MEGF11: variants seen among roughly 807,000 people sequenced by gnomAD.
MEGF11 encodes multiple epidermal growth factor-like domains protein 11.
A neutral mutation model predicts 146.6 loss-of-function variants in MEGF11; 126 were observed. That is an observed-to-expected ratio of 0.86 (90% CI 0.74 to 1.00). The LOEUF (loss-of-function observed/expected upper bound fraction) is 1.00. Among genes scored for constraint, MEGF11 ranks in the 50% least tolerant of loss-of-function variants. The probability of loss-of-function intolerance (pLI) is 0.00; values close to 1 mark genes in which losing one functional copy is unlikely to be tolerated. For missense variants in MEGF11, 1,509 were observed against 1,521.2 expected (o/e 0.99, Z 0.13); for synonymous variants, 532 against 583.4 (o/e 0.91, Z 1.27).
chr15:66,045,841 G>A (rs757325898), intron 5 of MEGF11, among the ~76,000 whole-genome samples: 3 of 152,088 alleles, frequency 2.0e-5, no homozygotes, highest in Non-Finnish European at 2.9e-5. Flanking sequence ...GGTGGCTCAC[G>A]ACTGTAATCC....
At chr15:66,026,368 T>C (rs572892682) in intron 5 of MEGF11, among the ~76,000 whole-genome samples, 18 of 152,182 alleles carry the variant, frequency 1.2e-4, no homozygotes, top group Non-Finnish European at 2.4e-4. Context: ...GACCACGGCT[T>C]TATCATCTTT....
intron 1 of MEGF11, among the ~76,000 whole-genome samples, chr15:66,153,789 C>A (rs1460524147): frequency 2.0e-5 from 3 of 152,102 alleles, no homozygotes; most frequent in Non-Finnish European, 4.4e-5. Context: ...TTGGGTCTGT[C>A]TTCCCACTCT....
At chr15:66,105,354 G>A (rs940288104) in intron 4 of MEGF11, among the ~76,000 whole-genome samples, 1 of 152,132 alleles carries the variant, frequency 6.6e-6, no homozygotes, top group Non-Finnish European at 1.5e-5. Context: ...CTGCAAGGCC[G>A]GGCCCTGCCA....
chr15:66,082,442 AAAAAAAAAAAAAAAAAAAAAAAAAAT>A (rs1373497965), intron 5 of MEGF11, among the ~76,000 whole-genome samples: 1 of 106,116 alleles, frequency 9.4e-6, no homozygotes, highest in Non-Finnish European at 1.8e-5. Context: ...AAAAAAAAAA[AAAAAAAAAAAAAAAAAAAAAAAAAAT>A]CTATCTATCT....
chr15:66,115,453 G>A (rs1331584349), intron 4 of MEGF11, among the ~76,000 whole-genome samples: 1 of 152,212 alleles, frequency 6.6e-6, no homozygotes, highest in Non-Finnish European at 1.5e-5. Context: ...GCCAGTTGGT[G>A]CCCCCTCCCT....
chr15:65,973,814 T>A (rs1036445065), intron 7 of MEGF11, among the ~76,000 whole-genome samples: 1 of 152,178 alleles, frequency 6.6e-6, no homozygotes, highest in African/African-American at 2.4e-5. Flanking sequence ...AAGCATGTTA[T>A]GTAGAAAAAT....
At chr15:66,073,310 G>A (rs1400980393) in intron 5 of MEGF11, among the ~76,000 whole-genome samples, 1 of 152,216 alleles carries the variant, frequency 6.6e-6, no homozygotes, top group South Asian at 2.1e-4. Context: ...TGCTGAGGAT[G>A]GGCGGTGGAA....
At chr15:65,933,085 CTT>C (rs2079636235) in intron 10 of MEGF11, among the ~76,000 whole-genome samples, 1 of 152,116 alleles carries the variant, frequency 6.6e-6, no homozygotes, top group Non-Finnish European at 1.5e-5. Context: ...CACGGAGAGG[CTT>C]CTCTCCAGCC....
At chr15:65,976,008 G>C (rs963150741) in intron 7 of MEGF11, among the ~76,000 whole-genome samples, 1 of 151,068 alleles carries the variant, frequency 6.6e-6, no homozygotes, top group East Asian at 1.9e-4. Flanking sequence ...CTCTCCTGCT[G>C]CAATGAGCTG....
intron 1 of MEGF11, among the ~76,000 whole-genome samples, chr15:66,232,195 GC>G (rs2091980741): frequency 1.3e-5 from 2 of 152,304 alleles, no homozygotes; most frequent in South Asian, 4.1e-4. Flanking sequence ...GTCAAAGGTG[GC>G]CCTGGGGCAG....
chr15:66,040,050 G>C (rs2083901656), intron 5 of MEGF11, among the ~76,000 whole-genome samples: 1 of 152,176 alleles, frequency 6.6e-6, no homozygotes, highest in Non-Finnish European at 1.5e-5. Flanking sequence ...CGTAGCAAGT[G>C]TCAGTTACAG....
chr15:66,146,167 T>C (rs929754780), intron 1 of MEGF11, among the ~76,000 whole-genome samples: 3 of 152,252 alleles, frequency 2.0e-5, no homozygotes, highest in African/African-American at 7.2e-5. Flanking sequence ...ATTCCTGCTC[T>C]GATCTACCTC....
chr15:65,984,324 A>C (rs1299050703), intron 5 of MEGF11, among the ~76,000 whole-genome samples: 1 of 152,014 alleles, frequency 6.6e-6, no homozygotes, highest in Non-Finnish European at 1.5e-5. Context: ...TCAAGAGTTC[A>C]AGAACAGCCT....
intron 8 of MEGF11, among the ~76,000 whole-genome samples, chr15:65,965,600 C>CTTTCTTTCTTTTTTTTTTTT (rs1555456992): frequency 1.6e-4 from 3 of 18,882 alleles, no homozygotes; most frequent in East Asian, 4.0e-3. Flanking sequence ...TTCTTTCTTT[C>CTTTCTTTCTTTTTTTTTTTT]TTTTTTTTTT....
chr15:65,932,415 G>A (rs1006819669), intron 10 of MEGF11, among the ~76,000 whole-genome samples: 2 of 152,090 alleles, frequency 1.3e-5, no homozygotes, highest in Admixed American at 6.5e-5. Context: ...CCACTCTACC[G>A]GTAAGTGGGT....
intron 1 of MEGF11, among the ~76,000 whole-genome samples, chr15:66,247,813 G>A (rs2092316367): frequency 6.9e-6 from 1 of 145,614 alleles, no homozygotes; most frequent in Non-Finnish European, 1.6e-5. Context: ...GAGGCTGGCA[G>A]ATCACCTGAG....
In MEGF11 at chr15:65,898,037, T is replaced by C; in HGVS notation, c.3320A>G (p.Asn1107Ser). 1 of 1,613,998 alleles carries C rather than the reference T, an allele frequency of 6.2e-7. No homozygotes were observed. Among genetic ancestry groups the C allele is most frequent in the Non-Finnish European group, 8.5e-7 (1 of 1,179,868 alleles). ...GCTGTTCCTAGGTAGGTCGTATGCA[T>C]TCTGGATATAGCTGGAGTTATGACC... The part of the protein sequence containing the change: ...GCGHNSSYIQ[N>S]AYDLPRNSHI... The change falls in exon 26 of 26, where the codon AAT (asparagine) becomes AGT (serine). Residue 1107 changes from asparagine (N) to serine (S), a missense_variant. Coordinates refer to ENST00000395614, the MANE Select transcript of MEGF11 (RefSeq NM_001385028.1).
rs35017296 is a variant in MEGF11 at position 65,984,525 on chromosome 15, C to CAAAAAA, written c.395-2043_395-2038dup. Among the ~76,000 whole-genome samples the CAAAAAA allele has an allele frequency of 8.5e-4, 42 of 49,512 alleles. 5 individuals carry two copies. The highest frequency in any genetic ancestry group is 1.4e-3 in the African/African-American group (16 of 11,374). 32.5% of individuals were successfully genotyped at this position (49,512 alleles called of 152,430 possible). A position where few individuals can be genotyped will look rare whatever the true frequency, so the allele number is the denominator to read the frequency against. On this transcript the variant is annotated intron_variant, in intron 5 of 25. Transcript: ENST00000395614. Reference sequence around the variant, plus strand: ...TGGGCGATAGAGCAAGACTCCGTGTCAAAAAAAAAAAAAAAAAAAAAAAAA... The same window carrying CAAAAAA: ...TGGGCGATAGAGCAAGACTCCGTGTCAAAAAAAAAAAAAAAAAAAAAAAAAAAAAAA...
intron 10 of MEGF11, among the ~76,000 whole-genome samples, chr15:65,948,863 T>C (rs569805664): frequency 1.3e-5 from 2 of 152,306 alleles, no homozygotes; most frequent in East Asian, 3.9e-4. Context: ...TGGATGATCA[T>C]TTCTGCTATT....
Sources: allele counts gnomAD v4.1 joint callset (sites outside exome capture counted in the v4.1 genomes callset), GRCh38; gene constraint gnomAD v4.1.1; transcripts MANE v1.5; gene names NCBI Gene and HGNC (gene_info 2026-07-23, HGNC 2026-07-21).